The following NCOR2 variants were observed in gnomAD, a reference collection of about 807,000 sequenced individuals.
The protein encoded by NCOR2 is nuclear receptor corepressor 2.
NCOR2 carries 81 observed loss-of-function variants against 262.9 expected under a neutral mutation model. The observed-to-expected ratio is 0.31, with a 90% CI of 0.26 to 0.37. NCOR2 has a LOEUF of 0.37. NCOR2 is among the 10% of genes least tolerant of loss of function. The probability of loss-of-function intolerance (pLI) is 1.00; values close to 1 mark genes in which losing one functional copy is unlikely to be tolerated. For missense variants in NCOR2, 3,385 were observed against 3,621.4 expected, an observed-to-expected ratio of 0.93 and a Z score of 1.68; for synonymous variants, 1,659 against 1,559.3, an observed-to-expected ratio of 1.06 and a Z score of -1.51.
Position 124,481,591 on chromosome 12 carries a change from G to A in NCOR2, c.411+2005C>T, listed in dbSNP as rs1321872500. Among the ~76,000 whole-genome samples, 2 of 152,216 alleles carry A rather than the reference G, an allele frequency of 1.3e-5. No homozygotes were observed. Among genetic ancestry groups the A allele is most frequent in the East Asian group, 3.8e-4 (2 of 5,196 alleles). On this transcript the variant is annotated intron_variant, in intron 3 of 46. Transcript: ENST00000405201. This position sits in a 1 kb window ranked among gnomAD's most constrained non-coding sequence, Gnocchi z 4.6. ...AGCCGGTGCAAAGGTCCCCAGGTGG[G>A]AATGTGCCTGGCGTGTTTGAGGAAC...
intron 1 of NCOR2, among the ~76,000 whole-genome samples, chr12:124,508,459 G>A (rs1419208481): frequency 7.9e-5 from 12 of 152,206 alleles, no homozygotes; most frequent in Non-Finnish European, 1.5e-4. Flanking sequence ...AAGAAGGGCA[G>A]GGACAAAAAG....
In NCOR2 at chr12:124,489,238, C is replaced by T. The variant is rs982108293; in HGVS notation, c.106-2670G>A. Among the ~76,000 whole-genome samples, 10 of 152,204 alleles carry T rather than the reference C, an allele frequency of 6.6e-5. No homozygotes were observed. In the East Asian group the frequency reaches 1.4e-3, roughly 21 times the overall value. ...GTCTCCAAGCAGGAGAGCTCCCCAA[C>T]GCGACAACATTAATCATAAAAAACA... On this transcript the variant is annotated intron_variant, in intron 1 of 46. Coordinates refer to ENST00000405201, the Ensembl canonical transcript of NCOR2.
intron 1 of NCOR2, among the ~76,000 whole-genome samples, chr12:124,515,769 TGA>T (rs1002009719): frequency 3.9e-5 from 6 of 151,962 alleles, no homozygotes; most frequent in Non-Finnish European, 5.9e-5. Flanking sequence ...GGTGTGTGCG[TGA>T]GTGTGCATGT....
chr12:124,407,539 A>C (rs1244055), intron 13 of NCOR2, among the ~76,000 whole-genome samples: 1 of 152,106 alleles, frequency 6.6e-6, no homozygotes, highest in Non-Finnish European at 1.5e-5. Context: ...CAGGGGTCGC[A>C]GGGAGTCACA....
At chr12:124,334,058 G>A (rs1421053085) in intron 41 of NCOR2, among the ~76,000 whole-genome samples, 1 of 152,032 alleles carries the variant, frequency 6.6e-6, no homozygotes, top group Non-Finnish European at 1.5e-5. Flanking sequence ...ATACAGCCCT[G>A]GAACAAATCC....
chr12:124,412,854 C>A lies in NCOR2; in HGVS notation c.1482+7103G>T, dbSNP rs1404614653. Among the ~76,000 whole-genome samples the A allele has an allele frequency of 3.3e-5, 5 of 152,346 alleles. No homozygotes were observed. In the East Asian group the frequency reaches 7.7e-4, roughly 24 times the overall value. The stretch of plus-strand genomic sequence containing the variant: ...TCCCCAGCCCTTCCGGTGATTCCGA[C>A]ATGCACTCACATCTGAGGACTCAGA... On this transcript the variant is annotated intron_variant, in intron 13 of 46. Coordinates refer to ENST00000405201, the Ensembl canonical transcript of NCOR2.
At chr12:124,530,877 C>T (rs2050738039) in intron 1 of NCOR2, among the ~76,000 whole-genome samples, 1 of 152,214 alleles carries the variant, frequency 6.6e-6, no homozygotes, top group African/African-American at 2.4e-5. Context: ...CAAGCCCAGG[C>T]CCACTGTGGA....
chr12:124,418,483 C>A (rs968487620), intron 13 of NCOR2, among the ~76,000 whole-genome samples: 2 of 150,184 alleles, frequency 1.3e-5, no homozygotes, highest in African/African-American at 4.9e-5. Flanking sequence ...GAAGGCGGGG[C>A]AGCTCTGGGG....
chr12:124,369,458 G>C (rs1202850083), intron 20 of NCOR2, among the ~76,000 whole-genome samples: 1 of 152,100 alleles, frequency 6.6e-6, no homozygotes, highest in Non-Finnish European at 1.5e-5. Flanking sequence ...CCAGGAGCAG[G>C]GGTCGCCTGG....
chr12:124,565,732 A>C (rs1467439330), intron 1 of NCOR2, among the ~76,000 whole-genome samples: 1 of 152,188 alleles, frequency 6.6e-6, no homozygotes, highest in Non-Finnish European at 1.5e-5. Context: ...CACTCTGTGA[A>C]CTCAGTACCA....
At position 124,374,335 on chromosome 12, in the gene NCOR2, C is replaced by T. The variant is rs182952965; in HGVS notation, c.2218+78G>A. On this transcript the variant is annotated intron_variant, in intron 19 of 46. Transcript: ENST00000405201. Reference sequence around the variant, plus strand: ...GAGGCATGTGCTCAGAAGCGGGGTTCCTTGTGGAGGACCGGGGACCTTGGG... The same window carrying T: ...GAGGCATGTGCTCAGAAGCGGGGTTTCTTGTGGAGGACCGGGGACCTTGGG... The T allele has an allele frequency of 1.7e-4, 251 of 1,448,554 alleles. No individual in the cohort carries two copies. The African/African-American group carries it at 2.2e-3, about 13-fold the overall frequency. The allele number at this position is 1,448,554 out of a possible 1,614,324, so 89.7% of individuals were successfully genotyped here. A position where few individuals can be genotyped will look rare whatever the true frequency, so the allele number is the denominator to read the frequency against.
intron 15 of NCOR2, 47 bp from the exon 18 acceptor site, chr12:124,398,228 A>C (rs1174306427): frequency 1.2e-6 from 2 of 1,603,588 alleles, no homozygotes; most frequent in Admixed American, 3.3e-5. Context: ...GAGAGGAGGC[A>C]CTTTGCCTTC....
chr12:124,486,297 C>T (rs973238362), intron 2 of NCOR2, 144 bp downstream of exon 4: 67 of 1,316,420 alleles, frequency 5.1e-5, no homozygotes, highest in African/African-American at 3.1e-5. Flanking sequence ...GTCACGCCCA[C>T]GCCAGGTCAA....
At chr12:124,333,941 TGTGGGTGTGCAC>T (rs2035592781) in intron 41 of NCOR2, among the ~76,000 whole-genome samples, 1 of 150,580 alleles carries the variant, frequency 6.6e-6, no homozygotes, top group Non-Finnish European at 1.5e-5. Flanking sequence ...CGCGCATGTG[TGTGGGTGTGCAC>T]GTGTGTGTGT....
chr12:124,474,037 T>C (rs1218969741), intron 3 of NCOR2, among the ~76,000 whole-genome samples: 2 of 152,226 alleles, frequency 1.3e-5, no homozygotes, highest in Non-Finnish European at 2.9e-5. Context: ...AGTTGTGAAG[T>C]CTTCCAACTC....
chr12:124,328,310 G>A (rs932363168), intron 44 of NCOR2, among the ~76,000 whole-genome samples: 4 of 152,186 alleles, frequency 2.6e-5, no homozygotes, highest in Admixed American at 2.0e-4. Context: ...AGAGACGGAC[G>A]CTGAGGGCGG....
intron 10 of NCOR2, among the ~76,000 whole-genome samples, chr12:124,428,150 G>A (rs1593491347): frequency 6.6e-6 from 1 of 150,736 alleles, no homozygotes; most frequent in Non-Finnish European, 1.5e-5. Context: ...GCAGAGGAGA[G>A]GGCCACCGGC....
chr12:124,529,425 G>A (rs1593994872), intron 1 of NCOR2, among the ~76,000 whole-genome samples: 1 of 152,152 alleles, frequency 6.6e-6, no homozygotes, highest in Non-Finnish European at 1.5e-5. Context: ...AGTGAGCCAA[G>A]ATCATGCCAT....
At chr12:124,332,780 G>A (rs1221640286) in intron 42 of NCOR2, among the ~76,000 whole-genome samples, 2 of 152,152 alleles carry the variant, frequency 1.3e-5, no homozygotes, top group East Asian at 3.9e-4. Flanking sequence ...CCTTCCCCAG[G>A]GGCAGCGGGC....
Sources: gnomAD v4.1 joint callset for allele counts (sites outside exome capture counted in the v4.1 genomes callset) on GRCh38, gnomAD v4.1.1 for gene constraint, Gnocchi (gnomAD v3.1) non-coding constraint, MANE v1.5 for transcripts, NCBI Gene and HGNC (gene_info 2026-07-23, HGNC 2026-07-21) for gene names.